WDR37: variants seen among roughly 807,000 people sequenced by gnomAD.
WDR37 encodes the protein WD repeat-containing protein 37.
In WDR37, 19 loss-of-function variants were observed where a neutral mutation model predicts 62.9. The ratio of observed to expected loss-of-function variants is 0.30; its 90% CI spans 0.21 to 0.44. The LOEUF (loss-of-function observed/expected upper bound fraction) is 0.44. Among genes scored for constraint, WDR37 ranks in the 20% least tolerant of loss-of-function variants. The pLI is 1.00. For synonymous variants in WDR37, 250 were observed against 260.9 expected, an observed-to-expected ratio of 0.96 and a Z score of 0.40; for missense variants, 474 against 657.6, an observed-to-expected ratio of 0.72 and a Z score of 3.05.
At chr10:1,116,155 A>G (rs1835388898) in intron 11 of WDR37, among the ~76,000 whole-genome samples, 1 of 150,928 alleles carries the variant, frequency 6.6e-6, no homozygotes, top group Non-Finnish European at 1.5e-5. Context: ...ACCCCGCCCC[A>G]GGTCTCCACT....
At chr10:1,085,056 C>T (rs2131631359) in intron 6 of WDR37, among the ~76,000 whole-genome samples, 1 of 152,326 alleles carries the variant, frequency 6.6e-6, no homozygotes, top group South Asian at 2.1e-4. Context: ...CTGCCACCTC[C>T]TGCGTTCAAG....
At chr10:1,122,083 G>A (rs1350585004) in intron 11 of WDR37, among the ~76,000 whole-genome samples, 1 of 152,016 alleles carries the variant, frequency 6.6e-6, no homozygotes, top group Non-Finnish European at 1.5e-5. Flanking sequence ...TCTCATCCAG[G>A]GCCGCATAGA....
chr10:1,085,820 T>C (rs1214914096), intron 6 of WDR37, among the ~76,000 whole-genome samples: 2 of 152,206 alleles, frequency 1.3e-5, no homozygotes, highest in East Asian at 3.8e-4. Flanking sequence ...TCTCAGATTT[T>C]CCCATTAAAT....
intron 9 of WDR37, among the ~76,000 whole-genome samples, chr10:1,100,392 C>T (rs1834753620): frequency 6.6e-6 from 1 of 152,186 alleles, no homozygotes; most frequent in Non-Finnish European, 1.5e-5. Flanking sequence ...CCTTCCAGCA[C>T]TACTGGATGA....
rs551230342 is a variant in WDR37, at chr10:1,064,750, G to A, written c.-40-7366G>A. Among the ~76,000 whole-genome samples, 284 of 151,870 alleles carry A rather than the reference G, an allele frequency of 1.9e-3. 1 individual carries two copies. The highest frequency in any genetic ancestry group is 6.4e-3 in the African/African-American group (263 of 41,398). ...TGGGATTACAGGCATGCCACATCAC[G>A]CCTGGCTAGTTTTGTATTTTTAGTA... On this transcript the variant is annotated intron_variant, in intron 1 of 13. Transcript: ENST00000263150.
At chr10:1,126,612 C>T (rs567016635) in intron 13 of WDR37, among the ~76,000 whole-genome samples, 3 of 151,922 alleles carry the variant, frequency 2.0e-5, no homozygotes, top group Non-Finnish European at 4.4e-5. Context: ...GCTTGGGTGG[C>T]CCCCTCAGTG....
chr10:1,112,005 G>A (rs1490082155), intron 11 of WDR37, among the ~76,000 whole-genome samples: 3 of 151,944 alleles, frequency 2.0e-5, no homozygotes, highest in Non-Finnish European at 2.9e-5. Context: ...GGGTTCAAGC[G>A]ATTCCCCTGC....
intron 6 of WDR37, 84 bp downstream of exon 6, chr10:1,084,622 A>C: frequency 6.4e-7 from 1 of 1,564,918 alleles, no homozygotes; most frequent in Non-Finnish European, 8.7e-7. Flanking sequence ...TTTCTGTGGC[A>C]GAGGAACCCT....
intron 7 of WDR37, among the ~76,000 whole-genome samples, chr10:1,090,813 G>A (rs983516113): frequency 6.6e-6 from 1 of 152,206 alleles, no homozygotes; most frequent in Admixed American, 6.5e-5. Flanking sequence ...GACACTGGAT[G>A]AAGGGTAGCC....
chr10:1,082,333 G>C (rs1299160603), intron 5 of WDR37, among the ~76,000 whole-genome samples: 2 of 152,186 alleles, frequency 1.3e-5, no homozygotes, highest in African/African-American at 4.8e-5. Flanking sequence ...ACGCAGAAGA[G>C]GTTTTTCCCC....
intron 11 of WDR37, among the ~76,000 whole-genome samples, chr10:1,109,621 G>C (rs1835146217): frequency 6.6e-6 from 1 of 152,212 alleles, no homozygotes; most frequent in Non-Finnish European, 1.5e-5. Flanking sequence ...TGAGGCAGGA[G>C]AATCGCTTGA....
intron 13 of WDR37, among the ~76,000 whole-genome samples, chr10:1,128,365 C>T (rs960362616): frequency 2.0e-5 from 3 of 152,242 alleles, no homozygotes; most frequent in African/African-American, 7.2e-5. Context: ...GGCTAAGAGC[C>T]TGCATCTGCT....
intron 1 of WDR37, among the ~76,000 whole-genome samples, chr10:1,065,450 T>C (rs373510321): frequency 8.5e-5 from 13 of 152,150 alleles, no homozygotes; most frequent in Admixed American, 5.9e-4. Context: ...AAAAAATGTT[T>C]ACCCCACGAG....
chr10:1,073,561 T>C (rs1188576925), intron 2 of WDR37, among the ~76,000 whole-genome samples: 13 of 152,226 alleles, frequency 8.5e-5, no homozygotes, highest in Admixed American at 8.5e-4. Context: ...CAAAAATAGC[T>C]TTGGTATTCT....
At chr10:1,061,008 C>T (rs1234196025) in intron 1 of WDR37, among the ~76,000 whole-genome samples, 1 of 152,128 alleles carries the variant, frequency 6.6e-6, no homozygotes, top group Non-Finnish European at 1.5e-5. Flanking sequence ...GTGACGAAAT[C>T]ACGTAACGAT....
chr10:1,089,312 C>A (rs915240200), intron 7 of WDR37, among the ~76,000 whole-genome samples: 4 of 152,152 alleles, frequency 2.6e-5, no homozygotes, highest in African/African-American at 9.7e-5. Context: ...CACCCTCGCT[C>A]CGGCTGGTCT....
chr10:1,066,584 G>A (rs60071365), intron 1 of WDR37, among the ~76,000 whole-genome samples: 362 of 152,294 alleles, frequency 2.4e-3, no homozygotes, highest in African/African-American at 8.2e-3. Flanking sequence ...GATTTTTGTA[G>A]ATATGTAAAA....
intron 2 of WDR37, among the ~76,000 whole-genome samples, chr10:1,075,660 G>A (rs1833858261): frequency 6.6e-6 from 1 of 152,124 alleles, no homozygotes; most frequent in Admixed American, 6.5e-5. Flanking sequence ...TTTTGGGGAG[G>A]GATGCTTGTG....
intron 2 of WDR37, among the ~76,000 whole-genome samples, chr10:1,073,878 T>G (rs1833792839): frequency 6.6e-6 from 1 of 152,148 alleles, no homozygotes; most frequent in African/African-American, 2.4e-5. Context: ...TCTCACCACC[T>G]CTTTCAGGGC....
Sources: gnomAD v4.1 joint callset for allele counts (sites outside exome capture counted in the v4.1 genomes callset) on GRCh38, gnomAD v4.1.1 for gene constraint, MANE v1.5 for transcripts, NCBI Gene and HGNC (gene_info 2026-07-23, HGNC 2026-07-21) for gene names.